The following ADIPOR2 variants were observed in gnomAD, a reference collection of about 807,000 sequenced individuals.
ADIPOR2 encodes the protein adiponectin receptor protein 2.
In ADIPOR2, 18 loss-of-function variants were observed where a neutral mutation model predicts 40.9. The observed-to-expected ratio is 0.44, with a 90% CI of 0.30 to 0.65. The LOEUF (loss-of-function observed/expected upper bound fraction) is 0.65, where lower values mean the gene tolerates loss of function less well. Among genes scored for constraint, ADIPOR2 ranks in the 30% least tolerant of loss-of-function variants. The probability of loss-of-function intolerance (pLI) is 0.09; values close to 1 mark genes in which losing one functional copy is unlikely to be tolerated. For synonymous variants in ADIPOR2, 165 were observed against 166.4 expected (o/e 0.99, Z 0.06); for missense variants, 283 against 479.2 (o/e 0.59, Z 3.82).
chr12:1,756,311 C>T (rs1045683705), intron 2 of ADIPOR2, among the ~76,000 whole-genome samples: 3 of 151,940 alleles, frequency 2.0e-5, no homozygotes, highest in South Asian at 2.1e-4. Context: ...CAACCACATC[C>T]GGCTAATTTT....
At chr12:1,741,208 T>C (rs1159853053) in intron 1 of ADIPOR2, among the ~76,000 whole-genome samples, 3 of 152,130 alleles carry the variant, frequency 2.0e-5, no homozygotes, top group Non-Finnish European at 2.9e-5. Context: ...AGTGACATGA[T>C]TTTTCTGTTC....
At chr12:1,768,290 C>G (rs1363326030) in intron 2 of ADIPOR2, among the ~76,000 whole-genome samples, 1 of 152,122 alleles carries the variant, frequency 6.6e-6, no homozygotes, top group Non-Finnish European at 1.5e-5. Flanking sequence ...TTCCTAAATG[C>G]CCCCGAAGCT....
intron 7 of ADIPOR2, among the ~76,000 whole-genome samples, chr12:1,784,965 C>G (rs996162339): frequency 6.6e-6 from 1 of 152,140 alleles, no homozygotes; most frequent in African/African-American, 2.4e-5. Context: ...ATCTTTCTAG[C>G]TTCAAATTAG....
At chr12:1,717,704 T>C (rs2094690365) in intron 1 of ADIPOR2, among the ~76,000 whole-genome samples, 1 of 150,902 alleles carries the variant, frequency 6.6e-6, no homozygotes, top group Non-Finnish European at 1.5e-5. Flanking sequence ...AAATTCCATC[T>C]TAAGGAAAAA....
At chr12:1,757,429 C>A in intron 2 of ADIPOR2, 1 of 730,204 alleles carries the variant, frequency 1.4e-6, no homozygotes, top group Non-Finnish European at 2.5e-6. Context: ...GAGTGCCTCT[C>A]TCTGTTGGTT....
At chr12:1,708,155 G>A (rs959510196) in intron 1 of ADIPOR2, among the ~76,000 whole-genome samples, 5 of 148,852 alleles carry the variant, frequency 3.4e-5, no homozygotes, top group Non-Finnish European at 7.4e-5. Flanking sequence ...TTGATTTAAA[G>A]TATAAGGAAG....
At chr12:1,762,455 A>G (rs939105309) in intron 2 of ADIPOR2, among the ~76,000 whole-genome samples, 3 of 152,082 alleles carry the variant, frequency 2.0e-5, no homozygotes. Flanking sequence ...TTTGAGTGGC[A>G]TATAACAAAT....
intron 1 of ADIPOR2, among the ~76,000 whole-genome samples, chr12:1,716,836 A>C (rs2094688586): frequency 6.6e-6 from 1 of 152,222 alleles, no homozygotes; most frequent in East Asian, 1.9e-4. Context: ...TTTACCACAC[A>C]CTGTATCCAA....
intron 1 of ADIPOR2, among the ~76,000 whole-genome samples, chr12:1,753,447 A>G (rs2154443455): frequency 6.6e-6 from 1 of 152,356 alleles, no homozygotes; most frequent in South Asian, 2.1e-4. Flanking sequence ...GATATTATCA[A>G]ATATTCATTA....
intron 1 of ADIPOR2, chr12:1,703,064 G>T (rs2094653713): frequency 6.6e-6 from 1 of 152,160 alleles, no homozygotes; most frequent in African/African-American, 2.4e-5. Context: ...TTAAATTTGT[G>T]TACAAAGATG....
intron 1 of ADIPOR2, among the ~76,000 whole-genome samples, chr12:1,704,034 T>TG (rs1388520459): frequency 1.7e-3 from 251 of 145,326 alleles, no homozygotes; most frequent in African/African-American, 6.1e-3. Context: ...TTTTTTTTTT[T>TG]GGGTCTTGGT....
At chr12:1,733,481 A>G (rs1020170218) in intron 1 of ADIPOR2, among the ~76,000 whole-genome samples, 5 of 152,170 alleles carry the variant, frequency 3.3e-5, no homozygotes, top group African/African-American at 9.7e-5. Flanking sequence ...TATCAGTACA[A>G]TTATTGGATC....
rs748394636 is a variant in ADIPOR2, at chr12:1,784,035, A to G, written c.994A>G (p.Ile332Val). Reference sequence around the variant, plus strand: ...AGGAGCTGCCCTGTATGCTGCCCGGATCCCCGAACGCTTTTTCCCTGGCAA... The same window carrying G: ...AGGAGCTGCCCTGTATGCTGCCCGGGTCCCCGAACGCTTTTTCCCTGGCAA... ...ITGAALYAAR[I>V]PERFFPGKCD... Residue 332 changes from isoleucine (I) to valine (V), a missense_variant, in exon 7 of 8, where the codon ATC becomes GTC. Physicochemically the swap from Ile to Val is conservative, Grantham distance 29. This residue lies in a region of ADIPOR2 where 106 missense variants were observed against 149.7 expected (regional missense o/e 0.71). Transcript: ENST00000357103. 3.1e-6 allele frequency: 5 copies of G among 1,604,494 alleles called. No individual in the cohort carries two copies. The highest frequency in any genetic ancestry group is 4.3e-6 in the Non-Finnish European group (5 of 1,174,776).
chr12:1,750,922 A>AT (rs1178155721), intron 1 of ADIPOR2, among the ~76,000 whole-genome samples: 4 of 150,730 alleles, frequency 2.7e-5, no homozygotes, highest in Non-Finnish European at 4.4e-5. Context: ...TTTTATACTC[A>AT]TTTTTTTCCC....
chr12:1,718,982 C>G (rs1357898436), intron 1 of ADIPOR2, among the ~76,000 whole-genome samples: 1 of 152,106 alleles, frequency 6.6e-6, no homozygotes, highest in East Asian at 1.9e-4. Flanking sequence ...CTGTTTGATT[C>G]GAAATGATTC....
chr12:1,728,293 A>G (rs902947261), intron 1 of ADIPOR2, among the ~76,000 whole-genome samples: 2 of 151,584 alleles, frequency 1.3e-5, no homozygotes, highest in African/African-American at 4.8e-5. Context: ...TTGTATTTTT[A>G]GTAGAGATGG....
At chr12:1,785,775 C>A (rs1321599719) in intron 7 of ADIPOR2, among the ~76,000 whole-genome samples, 169 bp from the exon 8 acceptor site, 1 of 152,234 alleles carries the variant, frequency 6.6e-6, no homozygotes, top group African/African-American at 2.4e-5. Flanking sequence ...GAATGTGTTA[C>A]ACCTAATGGA....
At position 1,772,941 on chromosome 12, in the gene ADIPOR2, A is replaced by G. The variant is rs1159479226; in HGVS notation, c.271A>G (p.Met91Val). 38 of 1,613,442 alleles carry G rather than the reference A, an allele frequency of 2.4e-5. No homozygotes were observed. Among genetic ancestry groups the G allele is most frequent in the Non-Finnish European group, 3.1e-5 (36 of 1,179,722 alleles). Residue 91 changes from methionine (M) to valine (V), a missense_variant, in exon 3 of 8, where the codon ATG (methionine) becomes GTG (valine). By Grantham distance (21) the Met-to-Val change is conservative. Around this residue, in one of 3 missense-constraint regions of ADIPOR2, gnomAD observed 112 missense variants for 249.5 expected, o/e 0.45. Transcript: ENST00000357103. ...ACAAGCCCATCATGCTATGGAAAAAATGGAAGAATTTGTTTGTAAGGTAAG... is the reference window on the plus strand; with the variant it reads ...ACAAGCCCATCATGCTATGGAAAAAGTGGAAGAATTTGTTTGTAAGGTAAG... ...LLQAHHAMEK[M>V]EEFVCKVWEG...
chr12:1,701,127 CTTTT>C (rs34379541), intron 1 of ADIPOR2, among the ~76,000 whole-genome samples: 4 of 123,776 alleles, frequency 3.2e-5, no homozygotes, highest in Non-Finnish European at 1.7e-5. Flanking sequence ...TGGTGTTGAT[CTTTT>C]TTTTTTTTTT....
Sources: gnomAD v4.1 joint callset for allele counts (sites outside exome capture counted in the v4.1 genomes callset) on GRCh38, gnomAD v4.1.1 for gene constraint, gnomAD v4.1.1 regional missense constraint, MANE v1.5 for transcripts, NCBI Gene and HGNC (gene_info 2026-07-23, HGNC 2026-07-21) for gene names.